The following TMC1 variants were observed in gnomAD, a reference collection of about 807,000 sequenced individuals.
TMC1 encodes the protein transmembrane channel-like protein 1.
TMC1 carries 84 observed loss-of-function variants against 105.8 expected under a neutral mutation model. The ratio of observed to expected loss-of-function variants is 0.79; its 90% CI spans 0.67 to 0.95. The LOEUF (loss-of-function observed/expected upper bound fraction) is 0.95, where lower values mean the gene tolerates loss of function less well. TMC1 is among the 40% of genes least tolerant of loss of function. The pLI, the probability that TMC1 is intolerant of heterozygous loss-of-function variation, is 0.00. For missense variants in TMC1, 817 were observed against 914.1 expected, an observed-to-expected ratio of 0.89 and a Z score of 1.37; for synonymous variants, 315 against 311.5, an observed-to-expected ratio of 1.01 and a Z score of -0.12.
At chr9:72,710,838 G>T (rs1478009687) in intron 8 of TMC1, among the ~76,000 whole-genome samples, 3 of 152,058 alleles carry the variant, frequency 2.0e-5, no homozygotes, top group Non-Finnish European at 4.4e-5. Flanking sequence ...GGAATGTGCA[G>T]GTTTGTTACA....
intron 8 of TMC1, among the ~76,000 whole-genome samples, chr9:72,718,384 C>T (rs1826959472): frequency 6.6e-6 from 1 of 152,182 alleles, no homozygotes; most frequent in Non-Finnish European, 1.5e-5. Context: ...ATTCTTTTGT[C>T]CCATGGGGTG....
chr9:72,593,637 C>A (rs1824672973), intron 2 of TMC1, among the ~76,000 whole-genome samples: 1 of 151,714 alleles, frequency 6.6e-6, no homozygotes, highest in African/African-American at 2.4e-5. Context: ...GGTGATCTGC[C>A]CACCTCGGCC....
chr9:72,773,666 GGTT>G lies in TMC1; in HGVS notation c.884+1113_884+1115del, dbSNP rs537262149. 1.3e-4 allele frequency among the ~76,000 whole-genome samples: 20 copies of G among 152,242 alleles called. 1 individual carries two copies. The East Asian group carries it at 3.9e-3, about 29-fold the overall frequency. On this transcript the variant is annotated intron_variant, in intron 13 of 23. Coordinates refer to ENST00000297784, the MANE Select transcript of TMC1 (RefSeq NM_138691.3). ...TCTAGTCTTTTGACTATATTGCTCT[GGTT>G]GGGCTGAAGTCAGAGGTATCATTTA...
chr9:72,701,654 G>T (rs1203837947), intron 8 of TMC1, among the ~76,000 whole-genome samples: 1 of 152,088 alleles, frequency 6.6e-6, no homozygotes, highest in Non-Finnish European at 1.5e-5. Flanking sequence ...TAGCTATCAG[G>T]ATAATTCACT....
At chr9:72,619,417 A>G (rs1427011426) in intron 3 of TMC1, among the ~76,000 whole-genome samples, 1 of 152,198 alleles carries the variant, frequency 6.6e-6, no homozygotes, top group Non-Finnish European at 1.5e-5. Context: ...TAAAACACAC[A>G]CAACAAGTCA....
chr9:72,657,207 C>G (rs1276232164), intron 5 of TMC1, among the ~76,000 whole-genome samples: 2 of 152,180 alleles, frequency 1.3e-5, no homozygotes, highest in Non-Finnish European at 2.9e-5. Context: ...TCAGTGAGAC[C>G]ACAAGCCACT....
chr9:72,566,882 G>A (rs1313167813), intron 1 of TMC1, among the ~76,000 whole-genome samples: 2 of 152,160 alleles, frequency 1.3e-5, no homozygotes, highest in East Asian at 3.8e-4. Flanking sequence ...GTGCCCAGTT[G>A]TTTTCATCTC....
intron 5 of TMC1, among the ~76,000 whole-genome samples, chr9:72,660,328 T>G (rs577373386): frequency 6.6e-6 from 1 of 152,334 alleles, no homozygotes; most frequent in South Asian, 2.1e-4. Context: ...TCAAATGTAT[T>G]TCCTTTTCCT....
chr9:72,789,596 T>C (rs1828231108), intron 15 of TMC1, among the ~76,000 whole-genome samples: 1 of 152,212 alleles, frequency 6.6e-6, no homozygotes, highest in South Asian at 2.1e-4. Context: ...ATGGGAATGA[T>C]AAATCTCAAG....
At chr9:72,777,416 T>C (rs949068565) in intron 13 of TMC1, among the ~76,000 whole-genome samples, 2 of 152,192 alleles carry the variant, frequency 1.3e-5, no homozygotes, top group East Asian at 1.9e-4. Context: ...GATATTTTCA[T>C]TGGAGATCAT....
At chr9:72,648,077 A>G (rs1825743494) in intron 4 of TMC1, among the ~76,000 whole-genome samples, 2 of 152,188 alleles carry the variant, frequency 1.3e-5, no homozygotes, top group African/African-American at 2.4e-5. Context: ...AATAAATACT[A>G]TGCCCCCAGG....
chr9:72,740,247 G>A lies in TMC1; in HGVS notation c.453+38G>A, dbSNP rs192047147. 4 of 1,566,192 alleles carry A rather than the reference G, an allele frequency of 2.6e-6. No individual in the cohort carries two copies. In the East Asian group the frequency reaches 6.7e-5, roughly 26 times the overall value. On this transcript the variant is annotated intron_variant, in intron 9 of 23. Coordinates refer to ENST00000297784, the MANE Select transcript of TMC1 (RefSeq NM_138691.3). ...ATAGTTGTCTGGTTTATGGCATATT[G>A]CCTCTAAGAAGAACACTGGTTCTTT...
chr9:72,530,808 T>C (rs1823486919), intron 1 of TMC1, among the ~76,000 whole-genome samples: 1 of 148,430 alleles, frequency 6.7e-6, no homozygotes, highest in Admixed American at 6.8e-5. Context: ...ATTTGCCACT[T>C]GTTTTCTGCC....
chr9:72,743,646 G>A (rs1395546612), intron 10 of TMC1, among the ~76,000 whole-genome samples: 1 of 151,018 alleles, frequency 6.6e-6, no homozygotes, highest in Non-Finnish European at 1.5e-5. Context: ...AGTAGAATAA[G>A]CAATAGTCAT....
chr9:72,672,609 ATATT>A (rs1487285373), intron 5 of TMC1, among the ~76,000 whole-genome samples: 2 of 151,996 alleles, frequency 1.3e-5, no homozygotes, highest in African/African-American at 2.4e-5. Flanking sequence ...AACTAATAAA[ATATT>A]AATTAATTAA....
chr9:72,620,764 G>A (rs7047357), intron 3 of TMC1, among the ~76,000 whole-genome samples: 14,506 of 152,116 alleles, frequency 0.095, 797 homozygotes, highest in African/African-American at 0.14. Context: ...GTACCTCCAG[G>A]TATTTTCTAT....
intron 8 of TMC1, among the ~76,000 whole-genome samples, chr9:72,703,582 C>T (rs1397221978): frequency 6.6e-6 from 1 of 152,216 alleles, no homozygotes; most frequent in African/African-American, 2.4e-5. Flanking sequence ...GCACCATTCT[C>T]AAACAATCCA....
chr9:72,813,149 GT>G (rs373354449), intron 18 of TMC1, among the ~76,000 whole-genome samples: 83 of 149,376 alleles, frequency 5.6e-4, no homozygotes, highest in South Asian at 2.8e-3. Context: ...AAGAGAATCT[GT>G]TTTTTTTTCT....
intron 5 of TMC1, among the ~76,000 whole-genome samples, chr9:72,684,588 GC>G (rs1198430194): frequency 1.3e-5 from 2 of 151,874 alleles, no homozygotes; most frequent in African/African-American, 4.8e-5. Context: ...CAATGTTTTT[GC>G]TGATAATTCC....
Sources: gnomAD v4.1 joint callset for allele counts (sites outside exome capture counted in the v4.1 genomes callset) on GRCh38, gnomAD v4.1.1 for gene constraint, MANE v1.5 for transcripts, NCBI Gene and HGNC (gene_info 2026-07-23, HGNC 2026-07-21) for gene names.